Variants in ZNHIT6 observed in about 807,000 individuals in gnomAD.
The protein encoded by ZNHIT6 is zinc finger HIT-type containing 6.
ZNHIT6 carries 45 observed loss-of-function variants against 57.2 expected under a neutral mutation model. The ratio of observed to expected loss-of-function variants is 0.79; its 90% CI spans 0.62 to 1.01. The LOEUF (loss-of-function observed/expected upper bound fraction) is 1.01. Ranked by LOEUF, ZNHIT6 falls within the 50% of genes least tolerant of loss-of-function variation. The pLI is 0.00. For missense variants in ZNHIT6, 528 were observed against 567.3 expected (o/e 0.93, Z 0.70); for synonymous variants, 188 against 190.0 (o/e 0.99, Z 0.09).
At chr1:85,673,262 A>T (rs1218187415) in intron 8 of ZNHIT6, among the ~76,000 whole-genome samples, 1 of 152,232 alleles carries the variant, frequency 6.6e-6, no homozygotes, top group Non-Finnish European at 1.5e-5. Flanking sequence ...TGAATGAATA[A>T]GTGAATTTAT....
In ZNHIT6 at chr1:85,700,876, G is replaced by A. The variant is rs146752434; in HGVS notation, c.1019+1281C>T. Among the ~76,000 whole-genome samples, 401 of 152,042 alleles carry A rather than the reference G, an allele frequency of 2.6e-3. 3 individuals carry two copies. The highest frequency in any genetic ancestry group is 7.5e-3 in the South Asian group (36 of 4,812). ...GACTGGAGTGCAGTGGTGCAATCTTGGCTCACTGCAACCTCCGCCTCCTGT... is the reference window on the plus strand; with the variant it reads ...GACTGGAGTGCAGTGGTGCAATCTTAGCTCACTGCAACCTCCGCCTCCTGT... On this transcript the variant is annotated intron_variant, in intron 5 of 9. Transcript: ENST00000370574.
rs1660950560 is a variant in ZNHIT6, at chr1:85,652,817, C to G, written c.*1241G>C. 6.6e-6 allele frequency: 1 copy of G among 152,126 alleles called. No homozygotes were observed. Among genetic ancestry groups the G allele is most frequent in the African/African-American group, 2.4e-5 (1 of 41,436 alleles). The allele number at this position is 152,126 out of a possible 1,614,324, so 9.4% of individuals were successfully genotyped here. The stretch of plus-strand genomic sequence containing the variant: ...GTACACACATACAATATAGATGTAA[C>G]AATCTTTTTACTCTCTTACAGTCAT... On this transcript the variant is annotated 3_prime_UTR_variant, in exon 10 of 10. Coordinates refer to ENST00000370574, the MANE Select transcript of ZNHIT6 (RefSeq NM_017953.4).
intron 8 of ZNHIT6, among the ~76,000 whole-genome samples, chr1:85,667,961 A>AAAAAAAATGTAT: frequency 2.2e-4 from 4 of 18,200 alleles, no homozygotes; most frequent in African/African-American, 8.5e-4. Flanking sequence ...AAAAAAAAAA[A>AAAAAAAATGTAT]ATATATATAT....
chr1:85,703,265 A>T (rs550977881), intron 4 of ZNHIT6, among the ~76,000 whole-genome samples: 1 of 152,188 alleles, frequency 6.6e-6, no homozygotes, highest in Non-Finnish European at 1.5e-5. Flanking sequence ...AAGAAAAAAA[A>T]TCCATTAGCA....
At chr1:85,654,563 C>T (rs1019715396) in intron 9 of ZNHIT6, among the ~76,000 whole-genome samples, 3 of 152,144 alleles carry the variant, frequency 2.0e-5, no homozygotes, top group Non-Finnish European at 4.4e-5. Flanking sequence ...TGGAGCTCCT[C>T]TGACACCCCT....
At chr1:85,702,769 T>G (rs1288682269) in intron 4 of ZNHIT6, among the ~76,000 whole-genome samples, 1 of 152,226 alleles carries the variant, frequency 6.6e-6, no homozygotes, top group African/African-American at 2.4e-5. Context: ...AAGTAACCAC[T>G]GTTGTGGGAA....
In ZNHIT6 at chr1:85,702,173, T is replaced by C. The variant is rs200849260; in HGVS notation, c.1003A>G (p.Thr335Ala). ...GAAACTTACTTCTTATCAAAAAAGGTTGAATTCTCCTTCCTCTTGGTGAAT... is the reference window on the plus strand; with the variant it reads ...GAAACTTACTTCTTATCAAAAAAGGCTGAATTCTCCTTCCTCTTGGTGAAT... The part of the protein sequence containing the change: ...NGFTKRKENS[T>A]FFDKKKQQFC... The change falls in exon 5 of 10, where the codon ACC becomes GCC. Residue 335 changes from threonine (T) to alanine (A), a missense_variant. Physicochemically the swap from Thr to Ala is moderately conservative, Grantham distance 58. Transcript: ENST00000370574. The C allele has an allele frequency of 4.2e-5, 68 of 1,605,284 alleles. No individual in the cohort carries two copies. Among genetic ancestry groups the C allele is most frequent in the East Asian group, 2.2e-5 (1 of 44,744 alleles).
At chr1:85,679,569 T>G (rs951482697) in intron 6 of ZNHIT6, among the ~76,000 whole-genome samples, 2 of 150,854 alleles carry the variant, frequency 1.3e-5, no homozygotes, top group African/African-American at 2.4e-5. Flanking sequence ...AAATGTTTTT[T>G]TTTTTTTTTT....
chr1:85,692,328 T>C (rs779058917), intron 5 of ZNHIT6, among the ~76,000 whole-genome samples: 21 of 152,206 alleles, frequency 1.4e-4, no homozygotes, highest in African/African-American at 2.2e-4. Flanking sequence ...TGGCTAATTA[T>C]TGCTGTGGAA....
At chr1:85,680,935 A>T (rs1661858490) in intron 5 of ZNHIT6, 31 bp from the exon 6 acceptor site, 2 of 1,544,632 alleles carry the variant, frequency 1.3e-6, no homozygotes, top group Non-Finnish European at 1.8e-6. Flanking sequence ...GTGAGAATCA[A>T]GGTAGATAAT....
chr1:85,684,881 AAAAAGATGCAAATC>A (rs1400190735), intron 5 of ZNHIT6, among the ~76,000 whole-genome samples: 20 of 152,344 alleles, frequency 1.3e-4, no homozygotes, highest in African/African-American at 4.3e-4. Flanking sequence ...AATCCCAAGG[AAAAAGATGCAAATC>A]AAAAGTCATT....
chr1:85,658,664 G>A, intron 8 of ZNHIT6, among the ~76,000 whole-genome samples: 1 of 152,046 alleles, frequency 6.6e-6, no homozygotes, highest in East Asian at 1.9e-4. Context: ...CTGAGGTTGG[G>A]AGTTTGAGAC....
At chr1:85,658,003 A>T (rs1458122796) in intron 8 of ZNHIT6, 32 bp from the exon 9 acceptor site, 5 of 1,363,340 alleles carry the variant, frequency 3.7e-6, no homozygotes, top group Non-Finnish European at 5.0e-6. Flanking sequence ...AAAACCAGGA[A>T]ACACTCTTAA....
intron 8 of ZNHIT6, among the ~76,000 whole-genome samples, chr1:85,674,532 T>C (rs926178165): frequency 1.3e-5 from 2 of 152,206 alleles, no homozygotes; most frequent in Non-Finnish European, 2.9e-5. Flanking sequence ...CCCTTCACTT[T>C]GGCGATTAAA....
At chr1:85,659,811 G>A (rs1005343281) in intron 8 of ZNHIT6, among the ~76,000 whole-genome samples, 2 of 152,172 alleles carry the variant, frequency 1.3e-5, no homozygotes, top group South Asian at 2.1e-4. Flanking sequence ...ACTAAAGTTA[G>A]AGAACAACTG....
At chr1:85,706,392 G>C in intron 2 of ZNHIT6, 37 bp from the exon 3 acceptor site, 1 of 1,613,340 alleles carries the variant, frequency 6.2e-7, no homozygotes, top group South Asian at 1.1e-5. Flanking sequence ...TATATTTTAG[G>C]GTAAGAAAGG....
At position 85,702,716 on chromosome 1, in the gene ZNHIT6, C is replaced by G. The variant is rs1003356135; in HGVS notation, c.916-456G>C. ...TGATTTTATTACTAGACAGCTCACT[C>G]AAGGGAAGAGCCAAGGCATTGCCTA... is the stretch of plus-strand genomic sequence containing the variant. On this transcript the variant is annotated intron_variant, in intron 4 of 9. Transcript: ENST00000370574. 3.9e-5 allele frequency among the ~76,000 whole-genome samples: 6 copies of G among 152,276 alleles called. No homozygotes were observed. In the South Asian group the frequency reaches 1.2e-3, roughly 32 times the overall value.
At chr1:85,677,188 T>C in intron 8 of ZNHIT6, 48 bp downstream of exon 8, 2 of 1,433,758 alleles carry the variant, frequency 1.4e-6, no homozygotes, top group Non-Finnish European at 1.9e-6. Flanking sequence ...TTAATTATAT[T>C]ACAGAACTAA....
rs199969861 is a variant in ZNHIT6, at chr1:85,677,243, A to C, written c.1240T>G (p.Leu414Val). 2 of 1,600,978 alleles carry C rather than the reference A, an allele frequency of 1.2e-6. No individual in the cohort carries two copies. The highest frequency in any genetic ancestry group is 1.7e-6 in the Non-Finnish European group (2 of 1,175,956). Residue 414 changes from leucine (L) to valine (V), a missense_variant, in exon 8 of 10, where the codon TTA (leucine) becomes GTA (valine). Transcript: ENST00000370574. ...GGAGGGGAGCAATTTTACCTTACTA[A>C]ATTTTGCTGCATATATTCAATCTTC... ...LMKIEYMQQN[L>V]VRYYELDPYK... is the part of the protein sequence containing the mutation.
Sources: allele counts gnomAD v4.1 joint callset (sites outside exome capture counted in the v4.1 genomes callset), GRCh38; gene constraint gnomAD v4.1.1; transcripts MANE v1.5; gene names NCBI Gene and HGNC (gene_info 2026-07-23, HGNC 2026-07-21).